Variants in ARHGAP22 observed in about 807,000 individuals in gnomAD.
The protein encoded by ARHGAP22 is rho GTPase-activating protein 22.
ARHGAP22 carries 48 observed loss-of-function variants against 59.1 expected under a neutral mutation model. The ratio of observed to expected loss-of-function variants is 0.81; its 90% CI spans 0.64 to 1.03. The LOEUF is 1.03. ARHGAP22 is among the 50% of genes least tolerant of loss of function. The pLI, the probability that ARHGAP22 is intolerant of heterozygous loss-of-function variation, is 0.00. For missense variants in ARHGAP22, 1,015 were observed against 958.7 expected (o/e 1.06, Z -0.78); for synonymous variants, 445 against 416.4 (o/e 1.07, Z -0.84).
At chr10:48,557,000 C>A (rs1381900941) in intron 2 of ARHGAP22, among the ~76,000 whole-genome samples, 1 of 152,220 alleles carries the variant, frequency 6.6e-6, no homozygotes, top group African/African-American at 2.4e-5. Context: ...ATGGAAGTGA[C>A]TCTTCTCATT....
chr10:48,499,496 C>A (rs1436035879), intron 3 of ARHGAP22, among the ~76,000 whole-genome samples: 1 of 152,250 alleles, frequency 6.6e-6, no homozygotes, highest in East Asian at 1.9e-4. Flanking sequence ...TCAAAGCCAA[C>A]ACTGCATTCA....
chr10:48,439,883 A>G, the ARHGAP22 span, among the ~76,000 whole-genome samples: 1 of 152,002 alleles, frequency 6.6e-6, no homozygotes, highest in Non-Finnish European at 1.5e-5. Context: ...GTCTGCCCTC[A>G]CCTGAACTCA....
At chr10:48,477,101 A>C (rs912323210) in intron 4 of ARHGAP22, among the ~76,000 whole-genome samples, 3 of 152,228 alleles carry the variant, frequency 2.0e-5, no homozygotes, top group Admixed American at 2.0e-4. Context: ...AGAACATTTA[A>C]GATATGTATG....
At chr10:48,621,799 T>A (rs976947313) in intron 1 of ARHGAP22, among the ~76,000 whole-genome samples, 1 of 152,266 alleles carries the variant, frequency 6.6e-6, no homozygotes, top group Admixed American at 6.5e-5. Context: ...TAAGTCTTTC[T>A]GGTTTTGCTT....
intron 3 of ARHGAP22, among the ~76,000 whole-genome samples, chr10:48,490,052 T>C (rs1472157246): frequency 6.6e-6 from 1 of 152,074 alleles, no homozygotes; most frequent in Non-Finnish European, 1.5e-5. Context: ...TCTTAAACAG[T>C]GCTTAGGGTC....
chr10:48,526,025 C>T (rs1239040796), intron 3 of ARHGAP22, among the ~76,000 whole-genome samples: 1 of 152,180 alleles, frequency 6.6e-6, no homozygotes, highest in Non-Finnish European at 1.5e-5. Context: ...TGTCACCCCC[C>T]AGTTCCTAGG....
At chr10:48,646,293 A>G (rs2062293851) in intron 1 of ARHGAP22, among the ~76,000 whole-genome samples, 1 of 152,244 alleles carries the variant, frequency 6.6e-6, no homozygotes, top group African/African-American at 2.4e-5. Context: ...TGTGATTCCT[A>G]TCAAAATCTC....
chr10:48,570,031 T>C (rs1309183686), intron 2 of ARHGAP22, among the ~76,000 whole-genome samples: 3 of 152,268 alleles, frequency 2.0e-5, no homozygotes, highest in Non-Finnish European at 2.9e-5. Flanking sequence ...TACTTAAATC[T>C]TGTGTTTTTC....
chr10:48,635,135 G>A (rs1245129695), intron 1 of ARHGAP22, among the ~76,000 whole-genome samples: 1 of 152,066 alleles, frequency 6.6e-6, no homozygotes, highest in African/African-American at 2.4e-5. Context: ...GCACCCATGG[G>A]AGGCTCTTGG....
chr10:48,592,519 T>C (rs555901988), intron 1 of ARHGAP22, among the ~76,000 whole-genome samples: 13 of 152,100 alleles, frequency 8.5e-5, no homozygotes, highest in African/African-American at 2.2e-4. Flanking sequence ...AAGATTATAC[T>C]CCCCCGCTTC....
intron 4 of ARHGAP22, among the ~76,000 whole-genome samples, chr10:48,462,574 C>T (rs1051304999): frequency 2.0e-5 from 3 of 152,210 alleles, no homozygotes; most frequent in African/African-American, 4.8e-5. Flanking sequence ...CTGCTTGGCA[C>T]CCATGTTGGT....
chr10:48,453,570 G>C, intron 7 of ARHGAP22, 145 bp from the exon 8 acceptor site: 2 of 1,248,886 alleles, frequency 1.6e-6, no homozygotes, highest in Non-Finnish European at 2.3e-6. Context: ...CCTCTGCCAG[G>C]CTCGATGAGG....
At chr10:48,570,982 G>T (rs1403805334) in intron 2 of ARHGAP22, among the ~76,000 whole-genome samples, 1 of 152,220 alleles carries the variant, frequency 6.6e-6, no homozygotes, top group African/African-American at 2.4e-5. Context: ...CCTCGTTTTT[G>T]ACTCATCTAG....
chr10:48,518,483 G>A (rs1008595172), intron 3 of ARHGAP22, among the ~76,000 whole-genome samples: 5 of 152,194 alleles, frequency 3.3e-5, no homozygotes, highest in African/African-American at 1.2e-4. Flanking sequence ...GTCAGAAAAG[G>A]CCTCTCAGGA....
chr10:48,441,855 G>A (rs1006018036), downstream of ARHGAP22, among the ~76,000 whole-genome samples: 3 of 152,120 alleles, frequency 2.0e-5, no homozygotes, highest in Non-Finnish European at 4.4e-5. Context: ...AGGTCACCTC[G>A]GACAAGTGTC....
chr10:48,603,099 G>T lies in ARHGAP22; in HGVS notation c.34+1664C>A, dbSNP rs183178022. On this transcript the variant is annotated intron_variant, in intron 1 of 9. Transcript: ENST00000249601. ...AGAGGGCTGTATGGCTGGCCTATAC[G>T]CACTAGATGCCAGTAGCACCCCTCA... 1.1e-3 allele frequency among the ~76,000 whole-genome samples: 162 copies of T among 152,286 alleles called. 1 individual carries two copies. Among genetic ancestry groups the T allele is most frequent in the African/African-American group, 3.7e-3 (153 of 41,564 alleles).
At chr10:48,575,443 A>T (rs769712217) in intron 2 of ARHGAP22, 1 of 152,154 alleles carries the variant, frequency 6.6e-6, no homozygotes, top group Non-Finnish European at 1.5e-5. Flanking sequence ...AAGTTATGGG[A>T]TAGGATGGCC....
downstream of ARHGAP22, among the ~76,000 whole-genome samples, chr10:48,442,675 C>A (rs571838670): frequency 3.3e-5 from 5 of 152,296 alleles, no homozygotes. Context: ...TCCTCAGTCC[C>A]TTGTCTCCTT....
At chr10:48,528,178 A>G (rs1277690799) in intron 3 of ARHGAP22, among the ~76,000 whole-genome samples, 1 of 152,144 alleles carries the variant, frequency 6.6e-6, no homozygotes, top group Non-Finnish European at 1.5e-5. Flanking sequence ...CAGGTCATTC[A>G]AGGATTTTCT....
Sources: gnomAD v4.1 joint callset for allele counts (sites outside exome capture counted in the v4.1 genomes callset) on GRCh38, gnomAD v4.1.1 for gene constraint, MANE v1.5 for transcripts, NCBI Gene and HGNC (gene_info 2026-07-23, HGNC 2026-07-21) for gene names.